NCKAP5: variants seen among roughly 807,000 people sequenced by gnomAD.
The protein encoded by NCKAP5 is nck-associated protein 5.
In NCKAP5, 92 loss-of-function variants were observed where a neutral mutation model predicts 167.0. That is an observed-to-expected ratio of 0.55 (90% CI 0.47 to 0.66). NCKAP5 has a LOEUF of 0.66. NCKAP5 is among the 30% of genes least tolerant of loss of function. The pLI, the probability that NCKAP5 is intolerant of heterozygous loss-of-function variation, is 0.00. For synonymous variants in NCKAP5, 891 were observed against 877.4 expected (o/e 1.02, Z -0.27); for missense variants, 2,378 against 2,315.0 (o/e 1.03, Z -0.56).
chr2:133,549,843 C>G (rs1307000151), intron 2 of NCKAP5, among the ~76,000 whole-genome samples: 1 of 149,030 alleles, frequency 6.7e-6, no homozygotes, highest in African/African-American at 2.5e-5. Flanking sequence ...AATTGATAGA[C>G]CACTAGCAAG....
At chr2:133,515,754 G>A (rs886734280) in intron 3 of NCKAP5, among the ~76,000 whole-genome samples, 3 of 152,088 alleles carry the variant, frequency 2.0e-5, no homozygotes, top group African/African-American at 4.8e-5. Flanking sequence ...CCCTTTTTCC[G>A]ATCTGCAAGT....
chr2:133,512,857 T>A (rs547518953), intron 3 of NCKAP5, among the ~76,000 whole-genome samples: 48 of 152,106 alleles, frequency 3.2e-4, no homozygotes, highest in African/African-American at 1.1e-3. Flanking sequence ...CCATGGCCCC[T>A]CCATGTAGTT....
intron 11 of NCKAP5, among the ~76,000 whole-genome samples, chr2:132,820,121 G>A (rs1225888002): frequency 6.6e-6 from 1 of 152,092 alleles, no homozygotes; most frequent in African/African-American, 2.4e-5. Flanking sequence ...TAAAATCAGA[G>A]GATGAAAGCT....
In NCKAP5 at chr2:133,247,864, T is replaced by C. The variant is rs550236396; in HGVS notation, c.144-34085A>G. On this transcript the variant is annotated intron_variant, in intron 4 of 19. Transcript: ENST00000409261. ...AGTCATGTGTGTCTCATGTTACTTG[T>C]TCCAGAGTTACCCTAAAGTATTTTC... is the stretch of plus-strand genomic sequence containing the variant. Among the ~76,000 whole-genome samples the C allele has an allele frequency of 2.6e-5, 4 of 152,322 alleles. No homozygotes were observed. In the South Asian group the frequency reaches 8.3e-4, roughly 32 times the overall value.
chr2:133,544,442 C>T (rs1289370509), intron 2 of NCKAP5, among the ~76,000 whole-genome samples: 1 of 152,110 alleles, frequency 6.6e-6, no homozygotes, highest in African/African-American at 2.4e-5. Flanking sequence ...AAATGATACC[C>T]TATTATACAT....
chr2:132,742,013 G>A (rs1274203511), intron 16 of NCKAP5, among the ~76,000 whole-genome samples: 1 of 152,024 alleles, frequency 6.6e-6, no homozygotes, highest in African/African-American at 2.4e-5. Context: ...ACCCAAATTA[G>A]TGAGTCATGA....
rs993396230 is a variant in NCKAP5, at chr2:132,992,068, G to C, written c.429+2084C>G. Among the ~76,000 whole-genome samples the C allele has an allele frequency of 5.9e-5, 9 of 152,278 alleles. No individual in the cohort carries two copies. The South Asian group carries it at 1.7e-3, about 28-fold the overall frequency. ...GTCCCTAGTGCATATGAGAAGTTCA[G>C]TAAGTGTTTGTTAAATGCACAGTGA... On this transcript the variant is annotated intron_variant, in intron 7 of 19. Coordinates refer to ENST00000409261, the MANE Select transcript of NCKAP5 (RefSeq NM_207363.3).
intron 8 of NCKAP5, among the ~76,000 whole-genome samples, chr2:132,884,210 C>G (rs1314330381): frequency 6.6e-6 from 1 of 152,230 alleles, no homozygotes; most frequent in Admixed American, 6.5e-5. Context: ...GGACAGACAT[C>G]TGCCACACAG....
intron 3 of NCKAP5, among the ~76,000 whole-genome samples, chr2:133,384,599 A>T (rs1221746416): frequency 1.3e-5 from 2 of 152,186 alleles, no homozygotes; most frequent in African/African-American, 2.4e-5. Flanking sequence ...GAAGAAAGGC[A>T]TTGGTAGCTT....
At chr2:132,677,248 G>A (rs372890141) in intron 19 of NCKAP5, among the ~76,000 whole-genome samples, 9 of 151,848 alleles carry the variant, frequency 5.9e-5, no homozygotes, top group African/African-American at 1.9e-4. Context: ...ATAAAAGTAG[G>A]GCTAAACAGA....
At chr2:133,112,391 G>A (rs1034307714) in intron 6 of NCKAP5, among the ~76,000 whole-genome samples, 4 of 151,946 alleles carry the variant, frequency 2.6e-5, no homozygotes, top group African/African-American at 4.8e-5. Flanking sequence ...GAAGAATAGC[G>A]TGAACCCGGG....
chr2:132,719,472 A>C (rs1573981583), intron 19 of NCKAP5, among the ~76,000 whole-genome samples: 1 of 152,234 alleles, frequency 6.6e-6, no homozygotes, highest in South Asian at 2.1e-4. Flanking sequence ...GGAGAGATAC[A>C]TGTACCTAGG....
chr2:132,723,282 G>C (rs191875578), intron 19 of NCKAP5, among the ~76,000 whole-genome samples: 4 of 151,644 alleles, frequency 2.6e-5, no homozygotes, highest in Admixed American at 1.3e-4. Context: ...GAGACTACAG[G>C]CCTCCCAAGT....
intron 3 of NCKAP5, among the ~76,000 whole-genome samples, chr2:133,344,327 G>T (rs1030053971): frequency 6.6e-6 from 1 of 150,386 alleles, no homozygotes; most frequent in African/African-American, 2.5e-5. Context: ...AGAATTTTTT[G>T]AACCTGGGAG....
chr2:132,772,266 T>G (rs1292441198), intron 16 of NCKAP5, among the ~76,000 whole-genome samples: 1 of 152,136 alleles, frequency 6.6e-6, no homozygotes, highest in Admixed American at 6.5e-5. Flanking sequence ...AAGCAACCCA[T>G]GACTGTACAG....
intron 3 of NCKAP5, among the ~76,000 whole-genome samples, chr2:133,372,161 G>A (rs1449243194): frequency 6.6e-6 from 1 of 152,172 alleles, no homozygotes; most frequent in Non-Finnish European, 1.5e-5. Context: ...AGTCATACAT[G>A]GAGAGCTCGA....
chr2:132,911,811 C>T (rs1288307708), intron 8 of NCKAP5, among the ~76,000 whole-genome samples: 1 of 152,142 alleles, frequency 6.6e-6, no homozygotes, highest in African/African-American at 2.4e-5. Flanking sequence ...ATTTATTATT[C>T]CCTGGATCCT....
chr2:133,589,838 C>T, the NCKAP5 span, among the ~76,000 whole-genome samples: 100,077 of 152,064 alleles, frequency 0.66, 34,256 homozygotes, highest in East Asian at 0.95. Context: ...GAAGATGTTT[C>T]GATGAAAAGA....
intron 19 of NCKAP5, among the ~76,000 whole-genome samples, chr2:132,723,864 C>CT (rs1198017353): frequency 6.6e-6 from 1 of 152,186 alleles, no homozygotes; most frequent in Non-Finnish European, 1.5e-5. Flanking sequence ...CAGACGCATC[C>CT]TTTTTAAACT....
Sources: allele counts gnomAD v4.1 joint callset (sites outside exome capture counted in the v4.1 genomes callset), GRCh38; gene constraint gnomAD v4.1.1; transcripts MANE v1.5; gene names NCBI Gene and HGNC (gene_info 2026-07-23, HGNC 2026-07-21).